The following CCDC138 variants were observed in gnomAD, a reference collection of about 807,000 sequenced individuals.
CCDC138 encodes coiled-coil domain containing 138.
A neutral mutation model predicts 82.3 loss-of-function variants in CCDC138; 66 were observed. The observed-to-expected ratio is 0.80, with a 90% CI of 0.66 to 0.98. CCDC138 has a LOEUF of 0.98. Among genes scored for constraint, CCDC138 ranks in the 50% least tolerant of loss-of-function variants. The probability of loss-of-function intolerance (pLI) is 0.00; values close to 1 mark genes in which losing one functional copy is unlikely to be tolerated. For synonymous variants in CCDC138, 297 were observed against 265.4 expected (o/e 1.12, Z -1.16); for missense variants, 816 against 758.9 (o/e 1.08, Z -0.88).
rs1168815117 is a variant in CCDC138, at chr2:108,786,826, G to A, written c.4G>A (p.Glu2Lys). 1 of 1,589,806 alleles carries A rather than the reference G, an allele frequency of 6.3e-7. No individual in the cohort carries two copies. Among genetic ancestry groups the A allele is most frequent in the East Asian group, 2.3e-5 (1 of 43,606 alleles). ...ACTGGTACGGTTGCTGTGTGCTATGGAGCCGAGGGTCGTCAAGCCACCGGG... is the reference window on the plus strand; with the variant it reads ...ACTGGTACGGTTGCTGTGTGCTATGAAGCCGAGGGTCGTCAAGCCACCGGG... MEPRVVKPPGQD... is the reference protein window; with the variant it reads MKPRVVKPPGQD... Residue 2 changes from glutamate (E) to lysine (K), a missense_variant, in exon 1 of 15, where the codon GAG (glutamate) becomes AAG (lysine). By Grantham distance (56) the Glu-to-Lys change is moderately conservative. Coordinates refer to ENST00000295124, the MANE Select transcript of CCDC138 (RefSeq NM_144978.3).
At chr2:108,834,539 G>A (rs1015034798) in intron 10 of CCDC138, among the ~76,000 whole-genome samples, 17 of 152,080 alleles carry the variant, frequency 1.1e-4, no homozygotes, top group Admixed American at 5.9e-4. Context: ...TATACACTAA[G>A]TATTGTCAAA....
intron 10 of CCDC138, among the ~76,000 whole-genome samples, chr2:108,819,651 G>A (rs1483028530): frequency 6.6e-6 from 1 of 152,206 alleles, no homozygotes; most frequent in African/African-American, 2.4e-5. Flanking sequence ...GAAGAATTTG[G>A]ATGGTCCCAA....
intron 10 of CCDC138, among the ~76,000 whole-genome samples, chr2:108,824,898 T>C (rs1176153576): frequency 6.6e-6 from 1 of 152,208 alleles, no homozygotes; most frequent in African/African-American, 2.4e-5. Flanking sequence ...CATTGTTATA[T>C]GTGGTCAGTT....
chr2:108,798,648 G>C, intron 6 of CCDC138, 62 bp downstream of exon 6: 5 of 1,312,464 alleles, frequency 3.8e-6, no homozygotes, highest in Non-Finnish European at 5.3e-6. Flanking sequence ...AGATTCACTA[G>C]TTACTAACAT....
Position 108,812,874 on chromosome 2 carries a change from CATGAA to C in CCDC138, c.995_999del (p.Met332LysfsTer18). 2 of 1,613,346 alleles carry C rather than the reference CATGAA, an allele frequency of 1.2e-6. No individual in the cohort carries two copies. Among genetic ancestry groups the C allele is most frequent in the South Asian group, 2.2e-5 (2 of 91,016 alleles). ...ATTGAAAGGAAGTTCCCATGCTGTT[CATGAA>C]ATGAAAAGTTTAAAACAAGAAAAAG... On this transcript the variant is annotated frameshift_variant, in exon 9 of 15. Coordinates refer to ENST00000295124, the MANE Select transcript of CCDC138 (RefSeq NM_144978.3). LOFTEE classifies it high-confidence loss of function.
At chr2:108,800,638 T>TTTTTTTTTTA (rs1491527939) in intron 6 of CCDC138, among the ~76,000 whole-genome samples, 5 of 73,732 alleles carry the variant, frequency 6.8e-5, no homozygotes, top group African/African-American at 2.3e-4. Context: ...TTTTTTTTTT[T>TTTTTTTTTTA]AATTATACTT....
At chr2:108,861,632 C>T (rs575638642) in intron 13 of CCDC138, among the ~76,000 whole-genome samples, 16 of 152,126 alleles carry the variant, frequency 1.1e-4, no homozygotes, top group African/African-American at 3.1e-4. Context: ...AGGTGCACAC[C>T]GCCACACCTA....
chr2:108,827,852 A>G (rs749476942), intron 10 of CCDC138, among the ~76,000 whole-genome samples: 23 of 151,728 alleles, frequency 1.5e-4, no homozygotes, highest in Admixed American at 1.3e-4. Flanking sequence ...TTTAAAGATT[A>G]CATTACATAC....
chr2:108,813,570 C>T (rs1026320723), intron 9 of CCDC138, among the ~76,000 whole-genome samples: 1 of 152,144 alleles, frequency 6.6e-6, no homozygotes, highest in African/African-American at 2.4e-5. Flanking sequence ...GACTACAACC[C>T]ATCCCTGAAT....
intron 10 of CCDC138, among the ~76,000 whole-genome samples, chr2:108,834,425 G>C (rs1688253502): frequency 6.6e-6 from 1 of 151,604 alleles, no homozygotes; most frequent in African/African-American, 2.4e-5. Flanking sequence ...ATGTTGGCCA[G>C]GCTGGTATTG....
At chr2:108,846,133 T>A (rs556806342) in intron 11 of CCDC138, among the ~76,000 whole-genome samples, 1 of 152,298 alleles carries the variant, frequency 6.6e-6, no homozygotes, top group Non-Finnish European at 1.5e-5. Flanking sequence ...ATGTGCCTGA[T>A]AAGCTGGTTT....
At chr2:108,819,541 A>C (rs540003592) in intron 10 of CCDC138, among the ~76,000 whole-genome samples, 118 of 152,308 alleles carry the variant, frequency 7.7e-4, no homozygotes, top group Non-Finnish European at 1.1e-3. Flanking sequence ...TCTGAGGGAC[A>C]CAGCGATTAT....
At position 108,872,263 on chromosome 2, in the gene CCDC138, G is replaced by A. The variant is rs1044020165; in HGVS notation, c.1694-1188G>A. Among the ~76,000 whole-genome samples, 7 of 151,768 alleles carry A rather than the reference G, an allele frequency of 4.6e-5. No homozygotes were observed. The East Asian group carries it at 5.8e-4, about 13-fold the overall frequency. ...CCCACCATAGCATCCTGCCATTGGT[G>A]CCCAAAATTTATGTCCTTCTCATAC... On this transcript the variant is annotated intron_variant, in intron 13 of 14. Coordinates refer to ENST00000295124, the MANE Select transcript of CCDC138 (RefSeq NM_144978.3).
chr2:108,849,746 G>A (rs1691134369), intron 12 of CCDC138, among the ~76,000 whole-genome samples: 1 of 152,206 alleles, frequency 6.6e-6, no homozygotes, highest in South Asian at 2.1e-4. Context: ...CTTATAGTCT[G>A]GCCTCTCCCA....
Position 108,812,801 on chromosome 2 carries a change from C to G in CCDC138, c.934-19C>G. 6.2e-7 allele frequency: 1 copy of G among 1,610,546 alleles called. No individual in the cohort carries two copies. The highest frequency in any genetic ancestry group is 8.5e-7 in the Non-Finnish European group (1 of 1,178,196). On this transcript the variant is annotated intron_variant, in intron 8 of 14. Coordinates refer to ENST00000295124, the MANE Select transcript of CCDC138 (RefSeq NM_144978.3). ...TTAGATACAATTGTTCTTTAATTCA[C>G]GCATATATACTGTTGCAGAGGAAGT...
intron 11 of CCDC138, among the ~76,000 whole-genome samples, chr2:108,845,474 G>A (rs1690280796): frequency 6.6e-6 from 1 of 152,052 alleles, no homozygotes; most frequent in Non-Finnish European, 1.5e-5. Flanking sequence ...ACATGAGATT[G>A]GAGAATTGGG....
intron 5 of CCDC138, among the ~76,000 whole-genome samples, chr2:108,795,759 A>G (rs1236776257): frequency 6.6e-6 from 1 of 152,170 alleles, no homozygotes; most frequent in Non-Finnish European, 1.5e-5. Context: ...ATTGGAAATG[A>G]GAGGTGTTCT....
downstream of CCDC138, among the ~76,000 whole-genome samples, chr2:108,881,223 C>G (rs1696282648): frequency 6.6e-6 from 1 of 152,246 alleles, no homozygotes; most frequent in Non-Finnish European, 1.5e-5. Flanking sequence ...TACACCAGCA[C>G]TTGTTGCTTC....
intron 2 of CCDC138, chr2:108,883,052 GTTCAA>G (rs1216138626): frequency 1.3e-5 from 2 of 152,172 alleles, no homozygotes; most frequent in East Asian, 1.9e-4. Flanking sequence ...ATTCAGCAGT[GTTCAA>G]TTCATTTCTT....
Sources: allele counts gnomAD v4.1 joint callset (sites outside exome capture counted in the v4.1 genomes callset), GRCh38; gene constraint gnomAD v4.1.1; transcripts MANE v1.5; gene names NCBI Gene and HGNC (gene_info 2026-07-23, HGNC 2026-07-21).